EXPH5: variants seen among roughly 807,000 people sequenced by gnomAD.
EXPH5 encodes the protein exophilin 5, also known as exophilin-5.
Under a neutral mutation model 41.1 loss-of-function variants are expected in EXPH5, and 42 were observed. The ratio of observed to expected loss-of-function variants is 1.02; its 90% CI spans 0.80 to 1.32. The LOEUF (loss-of-function observed/expected upper bound fraction) is 1.32, where lower values mean the gene tolerates loss of function less well. EXPH5 is among the 40% of genes most tolerant of loss of function. The pLI is 0.00. For synonymous variants in EXPH5, 798 were observed against 833.5 expected (o/e 0.96, Z 0.73); for missense variants, 2,298 against 2,314.5 (o/e 0.99, Z 0.15).
intron 1 of EXPH5, among the ~76,000 whole-genome samples, chr11:108,562,025 G>C (rs1180757128): frequency 1.3e-5 from 2 of 152,148 alleles, no homozygotes; most frequent in Admixed American, 6.5e-5. Context: ...GCCGTGCAGG[G>C]TTGAGGCCGT....
intron 1 of EXPH5, among the ~76,000 whole-genome samples, chr11:108,551,188 C>T (rs189405330): frequency 1.9e-4 from 29 of 152,298 alleles, no homozygotes; most frequent in Non-Finnish European, 2.8e-4. Flanking sequence ...CGAACCCACA[C>T]GCCTCTGAGT....
intron 1 of EXPH5, among the ~76,000 whole-genome samples, chr11:108,573,152 GA>G (rs1277649887): frequency 8.4e-6 from 1 of 119,434 alleles, no homozygotes; most frequent in Non-Finnish European, 1.7e-5. Flanking sequence ...AAGAAAGAAA[GA>G]AAGAAAGAAA....
In EXPH5 at chr11:108,593,481, C is replaced by A. The variant is rs1230786617; in HGVS notation, c.56G>T (p.Arg19Met). The A allele has an allele frequency of 6.2e-7, 1 of 1,614,214 alleles. No homozygotes were observed. The highest frequency in any genetic ancestry group is 1.1e-5 in the South Asian group (1 of 91,086). ...CCTTTCCAGCACCTGAAGGATCTTC[C>A]TGGCCTCTTCGTCATTTAAGAAACT... Reference protein sequence around the residue: ...DFSFLNDEEARKILQVLERNE... With the variant: ...DFSFLNDEEAMKILQVLERNE... The change falls in exon 1 of 6, where the codon AGG becomes ATG. Residue 19 changes from arginine (R) to methionine (M), a missense_variant. Physicochemically the swap from Arg to Met is moderately conservative, Grantham distance 91. Coordinates refer to ENST00000265843, the MANE Select transcript of EXPH5 (RefSeq NM_015065.3).
At position 108,511,817 on chromosome 11, in the gene EXPH5, C is replaced by T. The variant is rs1189015156; in HGVS notation, c.3690G>A (p.Lys1230=). Residue 1230 remains lysine, a synonymous_variant, in exon 6 of 6, where the codon AAG becomes AAA. Transcript: ENST00000265843. Reference sequence around the variant, plus strand: ...CAGAAACAGAAAACGTACTAGTCGTCTTAACTTTATGTAATGTTTTCCCAC... The same window carrying T: ...CAGAAACAGAAAACGTACTAGTCGTTTTAACTTTATGTAATGTTTTCCCAC... ...KERGKTLHKV[K]TTSTFSVSGD... is the part of the protein sequence containing the mutation. 1.2e-6 allele frequency: 2 copies of T among 1,602,056 alleles called. No homozygotes were observed. Among genetic ancestry groups the T allele is most frequent in the Non-Finnish European group, 1.7e-6 (2 of 1,176,862 alleles).
At chr11:108,539,292 T>A in intron 2 of EXPH5, 106 bp from the exon 3 acceptor site, 1 of 823,450 alleles carries the variant, frequency 1.2e-6, no homozygotes, top group Non-Finnish European at 1.9e-6. Context: ...TTATGCAGAC[T>A]AGAAACAGGG....
At chr11:108,549,318 G>A (rs192626793) in intron 1 of EXPH5, among the ~76,000 whole-genome samples, 13 of 152,282 alleles carry the variant, frequency 8.5e-5, no homozygotes, top group Admixed American at 4.6e-4. Context: ...ACATGAATCC[G>A]TCTGTGAAAT....
At chr11:108,576,935 C>CA (rs1327834305) in intron 1 of EXPH5, among the ~76,000 whole-genome samples, 1 of 152,172 alleles carries the variant, frequency 6.6e-6, no homozygotes, top group Non-Finnish European at 1.5e-5. Flanking sequence ...TCAATACCTC[C>CA]ATATGACTAA....
intron 1 of EXPH5, among the ~76,000 whole-genome samples, chr11:108,584,519 A>C (rs2094107943): frequency 1.3e-5 from 2 of 152,034 alleles, no homozygotes; most frequent in Admixed American, 1.3e-4. Flanking sequence ...TGACGTTAAG[A>C]CCTACTATAA....
Position 108,513,148 on chromosome 11 carries a change from C to G in EXPH5, c.2359G>C (p.Asp787His), listed in dbSNP as rs2093695269. The change falls in exon 6 of 6, where the codon GAT becomes CAT. Residue 787 changes from aspartate to histidine, a missense_variant. By Grantham distance (81) the Asp-to-His change is moderately conservative (BLOSUM62 -1). Transcript: ENST00000265843. ...DTSKMYIPHT[D>H]KSNDIKQDKR... Reference sequence around the variant, plus strand: ...TCTTGTTTAATGTCATTGGATTTATCTGTGTGCGGTATATACATTTTGGAG... The same window carrying G: ...TCTTGTTTAATGTCATTGGATTTATGTGTGTGCGGTATATACATTTTGGAG... 6.2e-7 allele frequency: 1 copy of G among 1,613,316 alleles called. No individual in the cohort carries two copies. Among genetic ancestry groups the G allele is most frequent in the Non-Finnish European group, 8.5e-7 (1 of 1,179,892 alleles).
At chr11:108,523,420 T>C (rs924679861) in intron 4 of EXPH5, among the ~76,000 whole-genome samples, 1 of 152,188 alleles carries the variant, frequency 6.6e-6, no homozygotes, top group African/African-American at 2.4e-5. Context: ...TCCATTATTT[T>C]TTTTTACCGT....
intron 1 of EXPH5, among the ~76,000 whole-genome samples, chr11:108,573,122 A>C (rs1017472817): frequency 4.1e-5 from 6 of 147,452 alleles, no homozygotes; most frequent in Non-Finnish European, 5.9e-5. Flanking sequence ...AGAAAAAGAA[A>C]AGAAGGAAGG....
chr11:108,568,236 A>T (rs1052354685), intron 1 of EXPH5: 1 of 150,496 alleles, frequency 6.6e-6, no homozygotes, highest in Admixed American at 6.6e-5. Flanking sequence ...TTAGAATAGG[A>T]GAGATAAAGC....
Position 108,511,492 on chromosome 11 carries a change from GC to G in EXPH5, c.4014del (p.Leu1340Ter). 1 of 1,589,166 alleles carries G rather than the reference GC, an allele frequency of 6.3e-7. No individual in the cohort carries two copies. Among genetic ancestry groups the G allele is most frequent in the Non-Finnish European group, 8.5e-7 (1 of 1,171,000 alleles). On this transcript the variant is annotated frameshift_variant, in exon 6 of 6. Coordinates refer to ENST00000265843, the MANE Select transcript of EXPH5 (RefSeq NM_015065.3). LOFTEE classifies it low-confidence loss of function (END_TRUNC). ...ATTTCCTGTAATGTAGGAGCTAGGGGCCCCCTATTTGATAATCGGAAGGCAG... is the reference window on the plus strand; with the variant it reads ...ATTTCCTGTAATGTAGGAGCTAGGGGCCCCTATTTGATAATCGGAAGGCAG... ...NMTAFRLSNRGPLAPTLQEMA... is the reference protein window; with the variant it reads ...NMTAFRLSNRXPLAPTLQEMA...
chr11:108,580,345 A>C (rs2094094088), intron 1 of EXPH5, among the ~76,000 whole-genome samples: 2 of 152,202 alleles, frequency 1.3e-5, no homozygotes, highest in Non-Finnish European at 2.9e-5. Flanking sequence ...AATCAAAACT[A>C]TAATGAGGCA....
At chr11:108,593,393 CA>C (rs1282608603) in intron 1 of EXPH5, 24 bp downstream of exon 1, 4 of 1,602,468 alleles carry the variant, frequency 2.5e-6, no homozygotes, top group Non-Finnish European at 3.4e-6. Flanking sequence ...AGGCCCAGGA[CA>C]AAAGAAATGA....
At chr11:108,569,339 A>G (rs974337163) in intron 1 of EXPH5, among the ~76,000 whole-genome samples, 4 of 149,516 alleles carry the variant, frequency 2.7e-5, no homozygotes, top group Non-Finnish European at 4.4e-5. Context: ...TTTATTTATT[A>G]TTATTTTCTT....
chr11:108,593,659 T>C lies in EXPH5; in HGVS notation c.-123A>G, dbSNP rs2094134079. On this transcript the variant is annotated 5_prime_UTR_variant, in exon 1 of 6. Transcript: ENST00000265843. Reference sequence around the variant, plus strand: ...CCACAGCCAATAATAAGTCCGCCCCTTTGAAAGTCTAAAACCACAAACCTA... The same window carrying C: ...CCACAGCCAATAATAAGTCCGCCCCCTTGAAAGTCTAAAACCACAAACCTA... The C allele has an allele frequency of 6.3e-7, 1 of 1,575,556 alleles. No individual in the cohort carries two copies. The highest frequency in any genetic ancestry group is 1.1e-5 in the South Asian group (1 of 88,190).
intron 1 of EXPH5, among the ~76,000 whole-genome samples, chr11:108,591,748 G>A (rs1276485826): frequency 1.6e-5 from 2 of 128,784 alleles, no homozygotes; most frequent in Non-Finnish European, 3.4e-5. Flanking sequence ...TCTATGTGGA[G>A]ATCCAGTTCC....
intron 5 of EXPH5, among the ~76,000 whole-genome samples, chr11:108,516,334 G>A (rs921851778): frequency 1.3e-5 from 2 of 152,086 alleles, no homozygotes; most frequent in African/African-American, 4.8e-5. Context: ...CACAGCCTCT[G>A]TGATCTTAGA....
Sources: gnomAD v4.1 joint callset for allele counts (sites outside exome capture counted in the v4.1 genomes callset) on GRCh38, gnomAD v4.1.1 for gene constraint, MANE v1.5 for transcripts, NCBI Gene and HGNC (gene_info 2026-07-23, HGNC 2026-07-21) for gene names.